CNTN3: variants seen among roughly 807,000 people sequenced by gnomAD.
CNTN3 encodes the protein contactin-3.
A neutral mutation model predicts 119.1 loss-of-function variants in CNTN3; 60 were observed. The observed-to-expected ratio is 0.50, with a 90% CI of 0.41 to 0.62. The LOEUF (loss-of-function observed/expected upper bound fraction) is 0.62. Ranked by LOEUF, CNTN3 falls within the 20% of genes least tolerant of loss-of-function variation. The probability of loss-of-function intolerance (pLI) is 0.00; values close to 1 mark genes in which losing one functional copy is unlikely to be tolerated. For missense variants in CNTN3, 1,101 were observed against 1,242.4 expected (o/e 0.89, Z 1.71); for synonymous variants, 450 against 438.7 (o/e 1.03, Z -0.32).
chr3:74,271,188 G>A (rs1214814163), intron 20 of CNTN3, among the ~76,000 whole-genome samples: 1 of 152,110 alleles, frequency 6.6e-6, no homozygotes, highest in Non-Finnish European at 1.5e-5. Flanking sequence ...TATAAGACAT[G>A]TCTATCCACA....
At position 74,344,826 on chromosome 3, in the gene CNTN3, C is replaced by A. The variant is rs555696883; in HGVS notation, c.1365-8168G>T. ...TGAGTACTTGAAAAATCTGGGAAAT[C>A]TCTCTGTAGAACAAATGTGTGTGTG... On this transcript the variant is annotated intron_variant, in intron 11 of 22. Transcript: ENST00000263665. 9.1e-4 allele frequency among the ~76,000 whole-genome samples: 139 copies of A among 151,950 alleles called. 1 individual carries two copies. The highest frequency in any genetic ancestry group is 2.9e-3 in the Admixed American group (44 of 15,280).
intron 11 of CNTN3, among the ~76,000 whole-genome samples, chr3:74,345,196 G>A (rs1453273450): frequency 6.6e-6 from 1 of 151,986 alleles, no homozygotes; most frequent in African/African-American, 2.4e-5. Flanking sequence ...CAATATAGAG[G>A]GCTTCAATTT....
At position 74,569,364 on chromosome 3, in the gene CNTN3, G is replaced by A. The variant is rs531757189; in HGVS notation, c.-81+45027C>T. 1.6e-4 allele frequency among the ~76,000 whole-genome samples: 24 copies of A among 151,836 alleles called. No homozygotes were observed. The South Asian group carries it at 5.0e-3, about 32-fold the overall frequency. ...ACCACAGAATGGAACAAACTATGGGGTGTAATCTACACTCCAGAGATCCCT... is the reference window on the plus strand; with the variant it reads ...ACCACAGAATGGAACAAACTATGGGATGTAATCTACACTCCAGAGATCCCT... On this transcript the variant is annotated intron_variant, in intron 1 of 22. Transcript: ENST00000263665.
At chr3:74,588,730 A>G (rs908944311) in intron 1 of CNTN3, among the ~76,000 whole-genome samples, 7 of 152,144 alleles carry the variant, frequency 4.6e-5, no homozygotes, top group African/African-American at 1.4e-4. Context: ...AGTAACCAAA[A>G]CAGCATGGTA....
chr3:74,285,663 GAT>G (rs1349147218), intron 19 of CNTN3, among the ~76,000 whole-genome samples, 172 bp from the exon 20 acceptor site: 6 of 151,126 alleles, frequency 4.0e-5, no homozygotes, highest in Non-Finnish European at 7.4e-5. Context: ...CAGCAGTGAA[GAT>G]AGAGAAAAGG....
At chr3:74,580,033 C>G (rs535343658) in intron 1 of CNTN3, among the ~76,000 whole-genome samples, 224 of 151,986 alleles carry the variant, frequency 1.5e-3, no homozygotes, top group Non-Finnish European at 2.5e-3. Context: ...ATGCAAAATC[C>G]AAGTGCAGGA....
intron 5 of CNTN3, among the ~76,000 whole-genome samples, chr3:74,407,632 TA>T (rs1701357753): frequency 6.6e-6 from 1 of 151,870 alleles, no homozygotes; most frequent in East Asian, 1.9e-4. Flanking sequence ...ACTTGCTTCT[TA>T]AAATAGCAAG....
chr3:74,570,698 T>G (rs1704299661), intron 1 of CNTN3, among the ~76,000 whole-genome samples: 1 of 152,196 alleles, frequency 6.6e-6, no homozygotes, highest in Non-Finnish European at 1.5e-5. Flanking sequence ...CTTTAAAAAC[T>G]AAGGATATGA....
chr3:74,264,467 C>T lies in CNTN3; in HGVS notation c.3021G>A (p.Ser1007=), dbSNP rs1236515822. Residue 1007 remains serine, a synonymous_variant, in exon 23 of 23, where the codon TCG becomes TCA. Transcript: ENST00000263665. The stretch of plus-strand genomic sequence containing the variant: ...TATAACTTGACATAGGGTGGACATT[C>T]GAGATGGCTGAAGTGGATCCTCTTG... The part of the protein sequence containing the change: ...MDARGSTSAI[S]NVHPMSSYMP... The T allele has an allele frequency of 6.8e-6, 11 of 1,612,090 alleles. No individual in the cohort carries two copies. The highest frequency in any genetic ancestry group is 2.2e-5 in the East Asian group (1 of 44,774).
At chr3:74,381,757 T>C (rs1166491488) in intron 5 of CNTN3, among the ~76,000 whole-genome samples, 1 of 152,122 alleles carries the variant, frequency 6.6e-6, no homozygotes, top group Admixed American at 6.5e-5. Flanking sequence ...GAAAAAATAA[T>C]TGCAACAGCC....
At chr3:74,309,466 GT>G (rs1702634242) in intron 13 of CNTN3, among the ~76,000 whole-genome samples, 1 of 152,108 alleles carries the variant, frequency 6.6e-6, no homozygotes, top group South Asian at 2.1e-4. Flanking sequence ...CAGAGTCTGT[GT>G]TTTGAAAAAC....
chr3:74,382,144 G>T (rs565513705), intron 5 of CNTN3, among the ~76,000 whole-genome samples: 3 of 152,000 alleles, frequency 2.0e-5, no homozygotes, highest in Non-Finnish European at 2.9e-5. Context: ...GAAGGTGGAG[G>T]TTGAGGTGAG....
chr3:74,336,315 C>T (rs1008004449), intron 12 of CNTN3, among the ~76,000 whole-genome samples: 1 of 151,964 alleles, frequency 6.6e-6, no homozygotes, highest in Non-Finnish European at 1.5e-5. Flanking sequence ...TGCCTATCAA[C>T]CCAGCACAGT....
At chr3:74,556,644 G>A (rs1384229666) in intron 1 of CNTN3, among the ~76,000 whole-genome samples, 1 of 151,864 alleles carries the variant, frequency 6.6e-6, no homozygotes, top group Non-Finnish European at 1.5e-5. Context: ...ATTTCTCTTG[G>A]GTAGATATCT....
chr3:74,439,460 T>C (rs548083444), intron 4 of CNTN3, among the ~76,000 whole-genome samples: 1 of 152,304 alleles, frequency 6.6e-6, no homozygotes, highest in African/African-American at 2.4e-5. Context: ...TGAGCTGAGA[T>C]TGAGCCACTG....
At chr3:74,285,214 C>A in intron 20 of CNTN3, 91 bp downstream of exon 20, 1 of 1,335,610 alleles carries the variant, frequency 7.5e-7, no homozygotes, top group East Asian at 2.4e-5. Flanking sequence ...AGATTAATGA[C>A]TTGGGTTGTC....
intron 2 of CNTN3, among the ~76,000 whole-genome samples, chr3:74,514,848 T>C (rs1703425124): frequency 6.6e-6 from 1 of 152,086 alleles, no homozygotes; most frequent in Admixed American, 6.6e-5. Context: ...TTGTTTTACA[T>C]ACCTATCTGT....
chr3:74,418,340 T>A (rs1430594537), intron 5 of CNTN3, among the ~76,000 whole-genome samples: 2 of 118,230 alleles, frequency 1.7e-5, no homozygotes, highest in Non-Finnish European at 3.5e-5. Flanking sequence ...GAAAACATAT[T>A]CCTTTTTTTT....
chr3:74,560,797 G>A (rs1471758513), intron 1 of CNTN3, among the ~76,000 whole-genome samples: 1 of 151,988 alleles, frequency 6.6e-6, no homozygotes, highest in African/African-American at 2.4e-5. Context: ...ATGATAGACT[G>A]GATTAAGAAA....
Sources: allele counts gnomAD v4.1 joint callset (sites outside exome capture counted in the v4.1 genomes callset), GRCh38; gene constraint gnomAD v4.1.1; transcripts MANE v1.5; gene names NCBI Gene and HGNC (gene_info 2026-07-23, HGNC 2026-07-21).